GRID2IP: variants seen among roughly 807,000 people sequenced by gnomAD.
GRID2IP encodes delphilin.
In GRID2IP, 78 loss-of-function variants were observed where a neutral mutation model predicts 114.3. The observed-to-expected ratio is 0.68, with a 90% confidence interval of 0.57 to 0.82. The LOEUF (loss-of-function observed/expected upper bound fraction) is 0.82, where lower values mean the gene tolerates loss of function less well. Ranked by LOEUF, GRID2IP falls within the 40% of genes least tolerant of loss-of-function variation. The pLI, the probability that GRID2IP is intolerant of heterozygous loss-of-function variation, is 0.00. For synonymous variants in GRID2IP, 809 were observed against 724.0 expected (o/e 1.12, Z -1.89); for missense variants, 1,727 against 1,678.5 (o/e 1.03, Z -0.51).
chr7:6,547,783 T>A (rs1433435436), intron 1 of GRID2IP, among the ~76,000 whole-genome samples: 3 of 152,110 alleles, frequency 2.0e-5, no homozygotes, highest in Non-Finnish European at 4.4e-5. Context: ...GAGACACTCC[T>A]GAGGGGGTTA....
intron 15 of GRID2IP, among the ~76,000 whole-genome samples, chr7:6,504,276 G>C (rs932795145): frequency 6.7e-6 from 1 of 148,796 alleles, no homozygotes. Context: ...AGTTCGAGCG[G>C]GGGGAGAGGG....
At chr7:6,525,740 C>A (rs1418184400) in intron 4 of GRID2IP, among the ~76,000 whole-genome samples, 3 of 152,168 alleles carry the variant, frequency 2.0e-5, no homozygotes, top group African/African-American at 4.8e-5. Flanking sequence ...TGTTAGACAG[C>A]AGGCAGAGGC....
At position 6,500,425 on chromosome 7, in the gene GRID2IP, T is replaced by C. The variant is rs1407685557; in HGVS notation, c.3399+1356A>G. Among the ~76,000 whole-genome samples the C allele has an allele frequency of 2.0e-5, 3 of 151,984 alleles. No homozygotes were observed. The East Asian group carries it at 5.8e-4, about 29-fold the overall frequency. ...GTTGCAGTGAGCCGAGATCGCACCA[T>C]TGCACTCCAGCCTGGGCAACAGAGC... On this transcript the variant is annotated intron_variant, in intron 20 of 21. Coordinates refer to ENST00000457091, the MANE Select transcript of GRID2IP (RefSeq NM_001145118.2).
chr7:6,514,780 C>T lies in GRID2IP; in HGVS notation c.1269-251G>A, dbSNP rs1212410383. ...CAGCCCAGCCAACATGGTGAAAGGCCGTCTCTACTGAAAGTATAAAAATTA... is the reference window on the plus strand; with the variant it reads ...CAGCCCAGCCAACATGGTGAAAGGCTGTCTCTACTGAAAGTATAAAAATTA... On this transcript the variant is annotated intron_variant, in intron 7 of 21. Coordinates refer to ENST00000457091, the MANE Select transcript of GRID2IP (RefSeq NM_001145118.2). 3.3e-5 allele frequency among the ~76,000 whole-genome samples: 5 copies of T among 151,710 alleles called. 1 individual carries two copies. The highest frequency in any genetic ancestry group is 4.2e-4 in the South Asian group (2 of 4,794).
chr7:6,521,481 A>G lies in GRID2IP; in HGVS notation c.1032T>C (p.Ser344=). 1 of 1,549,998 alleles carries G rather than the reference A, an allele frequency of 6.5e-7. No individual in the cohort carries two copies. Among genetic ancestry groups the G allele is most frequent in the Non-Finnish European group, 8.7e-7 (1 of 1,146,246 alleles). ...CCACCACCAGCGTGGGCATGGCACC[A>G]CTGCCCTGCAGCATGGACACCACCT... ...HDKVVSMLQG[S]GAMPTLVVEE... Residue 344 remains serine, a synonymous_variant, in exon 6 of 22, where the codon AGT becomes AGC. Transcript: ENST00000457091. The surrounding 1 kb of genome is among the most constrained non-coding windows in gnomAD (Gnocchi z 4.1).
chr7:6,542,321 A>G (rs1030598820), intron 1 of GRID2IP, among the ~76,000 whole-genome samples: 4 of 148,664 alleles, frequency 2.7e-5, no homozygotes, highest in African/African-American at 7.3e-5. Flanking sequence ...AAAAAAAAAA[A>G]AAAAAGAAAA....
chr7:6,536,819 CCCCTTACTCA>C lies in GRID2IP; in HGVS notation c.584+2889_584+2898del. On this transcript the variant is annotated intron_variant, in intron 2 of 21. Transcript: ENST00000457091. This position sits in a 1 kb window ranked among gnomAD's most constrained non-coding sequence, Gnocchi z 5.3. ...TCTGATTCTCCTAGCAAGGGGCTCA[CCCCTTACTCA>C]CCCCAGGCAGCTCATGGTGGCCTCT... 1.4e-6 allele frequency: 1 copy of C among 702,460 alleles called. No individual in the cohort carries two copies. Among genetic ancestry groups the C allele is most frequent in the Non-Finnish European group, 2.6e-6 (1 of 384,612 alleles). 43.5% of individuals were successfully genotyped at this position (702,460 alleles called of 1,614,324 possible). A position where few individuals can be genotyped will look rare whatever the true frequency, so the allele number is the denominator to read the frequency against.
chr7:6,503,312 G>A, intron 16 of GRID2IP, 149 bp from the exon 17 acceptor site: 2 of 1,043,056 alleles, frequency 1.9e-6, no homozygotes, highest in South Asian at 1.7e-5. Flanking sequence ...GGGGGAGCCC[G>A]CCTCCCATGT....
intron 1 of GRID2IP, among the ~76,000 whole-genome samples, chr7:6,547,159 T>C (rs1439230513): frequency 6.6e-6 from 1 of 152,138 alleles, no homozygotes; most frequent in East Asian, 1.9e-4. Flanking sequence ...AGACCTCGTA[T>C]GGACATCAAG....
Position 6,497,684 on chromosome 7 carries a change from C to A in GRID2IP, c.*90G>T. ...CTGGCGGTGTGCTCAGAGCCCGGGG[C>A]ACAGTGGCCCCGGACCTCGGCAGTG... On this transcript the variant is annotated 3_prime_UTR_variant, in exon 22 of 22. Coordinates refer to ENST00000457091, the MANE Select transcript of GRID2IP (RefSeq NM_001145118.2). 1.1e-6 allele frequency: 1 copy of A among 950,966 alleles called. No individual in the cohort carries two copies. The highest frequency in any genetic ancestry group is 1.6e-6 in the Non-Finnish European group (1 of 640,308). The allele number at this position is 950,966 out of a possible 1,614,324, so 58.9% of individuals were successfully genotyped here.
At position 6,503,575 on chromosome 7, in the gene GRID2IP, C is replaced by A. The variant is rs775123611; in HGVS notation, c.2823G>T (p.Ala941=). The change falls in exon 16 of 22, where the codon GCG becomes GCT. Residue 941 remains alanine (A), a synonymous_variant. Coordinates refer to ENST00000457091, the MANE Select transcript of GRID2IP (RefSeq NM_001145118.2). ...AGCGCTGCTCCTCGTCGGCGTCGGG[C>A]GCGAAGAGCAGCAGCTGCGCGAGAT... ...PAHLAQLLLF[A]PDADEEQRYQ... 29 of 1,528,806 alleles carry A rather than the reference C, an allele frequency of 1.9e-5. No individual in the cohort carries two copies. The highest frequency in any genetic ancestry group is 3.7e-4 in the Middle Eastern group (2 of 5,434). The allele number at this position is 1,528,806 out of a possible 1,614,324, so 94.7% of individuals were successfully genotyped here. A position where few individuals can be genotyped will look rare whatever the true frequency, so the allele number is the denominator to read the frequency against.
intron 2 of GRID2IP, among the ~76,000 whole-genome samples, chr7:6,535,066 G>C (rs111721044): frequency 2.2e-3 from 337 of 152,310 alleles, no homozygotes; most frequent in Non-Finnish European, 3.6e-3. Context: ...TGTATTTTTA[G>C]TAGTGACAGG....
intron 15 of GRID2IP, among the ~76,000 whole-genome samples, chr7:6,504,163 G>A (rs1039019308): frequency 6.6e-6 from 1 of 151,712 alleles, no homozygotes; most frequent in Non-Finnish European, 1.5e-5. Flanking sequence ...GCTAAACTGA[G>A]GCGGGGCCCG....
Position 6,526,177 on chromosome 7 carries a change from C to A in GRID2IP, c.919+47G>T. On this transcript the variant is annotated intron_variant, in intron 4 of 21. Transcript: ENST00000457091. The surrounding 1 kb of genome is among the most constrained non-coding windows in gnomAD (Gnocchi z 7.6). ...CAGAGCCACCACGGGGCCCTTCACCCCATCCTGGGCCTTAGGGACTCTTAG... is the reference window on the plus strand; with the variant it reads ...CAGAGCCACCACGGGGCCCTTCACCACATCCTGGGCCTTAGGGACTCTTAG... 3 of 1,477,352 alleles carry A rather than the reference C, an allele frequency of 2.0e-6. No homozygotes were observed. Among genetic ancestry groups the A allele is most frequent in the Non-Finnish European group, 2.8e-6 (3 of 1,079,854 alleles). 91.5% of individuals were successfully genotyped at this position (1,477,352 alleles called of 1,614,324 possible). A position where few individuals can be genotyped will look rare whatever the true frequency, so the allele number is the denominator to read the frequency against.
chr7:6,526,405 C>T lies in GRID2IP; in HGVS notation c.834-96G>A, dbSNP rs1360985452. The T allele has an allele frequency of 4.6e-6, 7 of 1,508,742 alleles. No homozygotes were observed. Among genetic ancestry groups the T allele is most frequent in the East Asian group, 2.5e-5 (1 of 40,730 alleles). 93.5% of individuals were successfully genotyped at this position (1,508,742 alleles called of 1,614,324 possible). On this transcript the variant is annotated intron_variant, in intron 3 of 21. Coordinates refer to ENST00000457091, the MANE Select transcript of GRID2IP (RefSeq NM_001145118.2). The surrounding 1 kb of genome is among the most constrained non-coding windows in gnomAD (Gnocchi z 7.6). ...CGTGTCCCTCTCCCCTTAACCTCTC[C>T]GGCCCCCTATGCACCCCAGATGCCC...
In GRID2IP at chr7:6,508,432, T is replaced by C; in HGVS notation, c.2128-31A>G. The C allele has an allele frequency of 2.6e-6, 4 of 1,549,604 alleles. No homozygotes were observed. Among genetic ancestry groups the C allele is most frequent in the Non-Finnish European group, 1.7e-6 (2 of 1,146,730 alleles). ...GGTGGGGAGAGAGGCAAGGGGAGGGTGAGGCTGGGCCCAGAGAGACTAGAG... is the reference window on the plus strand; with the variant it reads ...GGTGGGGAGAGAGGCAAGGGGAGGGCGAGGCTGGGCCCAGAGAGACTAGAG... On this transcript the variant is annotated intron_variant, in intron 12 of 21. Transcript: ENST00000457091. The surrounding 1 kb of genome is among the most constrained non-coding windows in gnomAD (Gnocchi z 5.6).
intron 2 of GRID2IP, among the ~76,000 whole-genome samples, chr7:6,527,575 C>G (rs1390212690): frequency 1.1e-4 from 16 of 152,174 alleles, no homozygotes; most frequent in Admixed American, 9.2e-4. Context: ...GCTAGAAACT[C>G]TCTCTCTTTC....
chr7:6,520,559 G>T lies in GRID2IP; in HGVS notation c.1268+19C>A. On this transcript the variant is annotated intron_variant, in intron 7 of 21. Transcript: ENST00000457091. This position sits in a 1 kb window ranked among gnomAD's most constrained non-coding sequence, Gnocchi z 4.6. The stretch of plus-strand genomic sequence containing the variant: ...GGCCCACCCAGGGCAGGGCCCCACC[G>T]CGGCTTTGGCCCGGCCACCTGTGCT... The T allele has an allele frequency of 6.5e-7, 1 of 1,546,388 alleles. No homozygotes were observed. Among genetic ancestry groups the T allele is most frequent in the Non-Finnish European group, 8.7e-7 (1 of 1,143,380 alleles).
chr7:6,539,125 A>G (rs1253838788), intron 2 of GRID2IP, among the ~76,000 whole-genome samples: 1 of 132,370 alleles, frequency 7.6e-6, no homozygotes, highest in East Asian at 2.1e-4. Context: ...AGCAGGGCAG[A>G]CTGTGACCTT....
Sources: gnomAD v4.1 joint callset for allele counts (sites outside exome capture counted in the v4.1 genomes callset) on GRCh38, gnomAD v4.1.1 for gene constraint, Gnocchi (gnomAD v3.1) non-coding constraint, MANE v1.5 for transcripts, NCBI Gene and HGNC (gene_info 2026-07-23, HGNC 2026-07-21) for gene names.